Variants in RPA2 observed in about 807,000 individuals in gnomAD.
The protein encoded by RPA2 is replication protein A 32 kDa subunit.
In RPA2, 22 loss-of-function variants were observed where a neutral mutation model predicts 33.4. That is an observed-to-expected ratio of 0.66 (90% CI 0.47 to 0.94). The LOEUF (loss-of-function observed/expected upper bound fraction) is 0.94, where lower values mean the gene tolerates loss of function less well. Among genes scored for constraint, RPA2 ranks in the 40% least tolerant of loss-of-function variants. The pLI, the probability that RPA2 is intolerant of heterozygous loss-of-function variation, is 0.00. For synonymous variants in RPA2, 109 were observed against 114.9 expected (o/e 0.95, Z 0.33); for missense variants, 279 against 329.9 (o/e 0.85, Z 1.19).
At position 27,914,516 on chromosome 1, in the gene RPA2, G is replaced by A. The variant is rs1011790382; in HGVS notation, c.-73C>T. On this transcript the variant is annotated 5_prime_UTR_variant, in exon 1 of 9. Transcript: ENST00000373912. ...GGAATAGCGGAAAACCACAGAACGC[G>A]GCCGCCACTGCGCCGCTCTGGCTAC... 8 of 1,598,750 alleles carry A rather than the reference G, an allele frequency of 5.0e-6. No homozygotes were observed. The Admixed American group carries it at 5.3e-5, about 10-fold the overall frequency.
intron 2 of RPA2, among the ~76,000 whole-genome samples, chr1:27,913,331 G>A (rs1474826964): frequency 2.7e-5 from 4 of 150,192 alleles, no homozygotes; most frequent in Non-Finnish European, 5.9e-5. Flanking sequence ...GCTCACGCCT[G>A]TAATCCCAAC....
At chr1:27,898,584 C>A (rs1571608724) in intron 4 of RPA2, among the ~76,000 whole-genome samples, 1 of 146,716 alleles carries the variant, frequency 6.8e-6, no homozygotes, top group East Asian at 2.0e-4. Flanking sequence ...CTTGCTCTGT[C>A]ACCCAGACTG....
At chr1:27,908,336 C>T (rs2090056547) in intron 2 of RPA2, among the ~76,000 whole-genome samples, 1 of 150,090 alleles carries the variant, frequency 6.7e-6, no homozygotes, top group South Asian at 2.1e-4. Flanking sequence ...TGCTATGTTG[C>T]CCAGGCTGGT....
In RPA2 at chr1:27,892,120, T is replaced by G. The variant is rs1571600612; in HGVS notation, c.*43A>C. The stretch of plus-strand genomic sequence containing the variant: ...AGCTGGAGACAACAGATTGTGAAAC[T>G]AGGTCCAGCTGTAAAATATCTCAGG... On this transcript the variant is annotated 3_prime_UTR_variant, in exon 9 of 9. Transcript: ENST00000373912. 1 of 1,522,920 alleles carries G rather than the reference T, an allele frequency of 6.6e-7. No homozygotes were observed. Among genetic ancestry groups the G allele is most frequent in the African/African-American group, 1.4e-5 (1 of 73,212 alleles). The allele number at this position is 1,522,920 out of a possible 1,614,324, so 94.3% of individuals were successfully genotyped here.
intron 4 of RPA2, among the ~76,000 whole-genome samples, chr1:27,906,083 T>C (rs947360531): frequency 2.6e-5 from 4 of 152,110 alleles, no homozygotes; most frequent in African/African-American, 4.8e-5. Flanking sequence ...AAAATCTTTG[T>C]TCTAGGCCGG....
Position 27,914,121 on chromosome 1 carries a change from T to C in RPA2, c.59A>G (p.Tyr20Cys). 1 of 1,612,304 alleles carries C rather than the reference T, an allele frequency of 6.2e-7. No homozygotes were observed. Among genetic ancestry groups the C allele is most frequent in the Non-Finnish European group, 8.5e-7 (1 of 1,179,496 alleles). ...TCCAAAGCCCCCCGGGGACTGCGTG[T>C]AGCCGCCGGCTCCCCCGTATGAGGA... ...GSSSYGGAGGYTQSPGGFGSP... is the reference protein window; with the variant it reads ...GSSSYGGAGGCTQSPGGFGSP... The change falls in exon 2 of 9, where the codon TAC becomes TGC. Residue 20 changes from tyrosine to cysteine, a missense_variant. Physicochemically the swap from Tyr to Cys is radical, Grantham distance 194 (BLOSUM62 -2). Transcript: ENST00000373912.
At chr1:27,901,313 C>T (rs373795431) in intron 4 of RPA2, among the ~76,000 whole-genome samples, 4 of 152,096 alleles carry the variant, frequency 2.6e-5, no homozygotes, top group African/African-American at 9.7e-5. Flanking sequence ...TTATGAATTG[C>T]TGAGGGTTCG....
intron 2 of RPA2, among the ~76,000 whole-genome samples, chr1:27,907,898 G>C (rs1037772385): frequency 5.9e-5 from 9 of 152,132 alleles, no homozygotes; most frequent in Non-Finnish European, 8.8e-5. Flanking sequence ...GTCCAGGCTG[G>C]CATGCAATGG....
chr1:27,914,010 C>A, intron 2 of RPA2, 53 bp downstream of exon 2: 1 of 1,486,350 alleles, frequency 6.7e-7, no homozygotes, highest in Non-Finnish European at 9.0e-7. Flanking sequence ...TCATAGATGA[C>A]TCAGGGACTT....
At chr1:27,896,106 T>C (rs1017208951) in intron 6 of RPA2, among the ~76,000 whole-genome samples, 2 of 152,222 alleles carry the variant, frequency 1.3e-5, no homozygotes, top group African/African-American at 4.8e-5. Flanking sequence ...CTCCCAAGAA[T>C]GTAAGTATAT....
intron 4 of RPA2, among the ~76,000 whole-genome samples, chr1:27,901,613 G>A (rs1014467262): frequency 1.3e-4 from 20 of 151,752 alleles, no homozygotes; most frequent in Admixed American, 9.8e-4. Flanking sequence ...CTCCCGCCTC[G>A]GCCTCCCAAA....
At chr1:27,902,408 C>A (rs542423054) in intron 4 of RPA2, among the ~76,000 whole-genome samples, 1 of 151,912 alleles carries the variant, frequency 6.6e-6, no homozygotes, top group African/African-American at 2.4e-5. Context: ...CTCAGCCTCC[C>A]GAGTAGCTGG....
Position 27,897,041 on chromosome 1 carries a change from G to A in RPA2, c.489C>T (p.Ile163=), listed in dbSNP as rs2089901699. ...CTTTGCTTAGTACCATGTGTGCATTGATCACTTCCAGAATATGTGTGGTGA... is the reference window on the plus strand; with the variant it reads ...CTTTGCTTAGTACCATGTGTGCATTAATCACTTCCAGAATATGTGTGGTGA... The part of the protein sequence containing the change: ...NEFTTHILEV[I]NAHMVLSKAN... The change falls in exon 6 of 9, where the codon ATC becomes ATT. Residue 163 remains isoleucine, a synonymous_variant. Coordinates refer to ENST00000373912, the MANE Select transcript of RPA2 (RefSeq NM_002946.5). 1 of 1,613,532 alleles carries A rather than the reference G, an allele frequency of 6.2e-7. No homozygotes were observed. The highest frequency in any genetic ancestry group is 8.5e-7 in the Non-Finnish European group (1 of 1,179,934).
intron 4 of RPA2, among the ~76,000 whole-genome samples, chr1:27,901,959 G>A (rs1011103312): frequency 2.0e-5 from 3 of 151,460 alleles, no homozygotes; most frequent in African/African-American, 7.3e-5. Context: ...CACTGTTAGG[G>A]GAAGGGGAAT....
chr1:27,906,627 T>C (rs1271976715), intron 4 of RPA2, among the ~76,000 whole-genome samples: 1 of 152,058 alleles, frequency 6.6e-6, no homozygotes, highest in Non-Finnish European at 1.5e-5. Context: ...ATGCGGACGT[T>C]GTAGTGAGCC....
chr1:27,892,053 T>C lies in RPA2; in HGVS notation c.*110A>G. ...GAAGTCAGAGGAGACATTTGATAGA[T>C]GAAACCTACTTCCTAGAAGCCCCCT... On this transcript the variant is annotated 3_prime_UTR_variant, in exon 9 of 9. Coordinates refer to ENST00000373912, the MANE Select transcript of RPA2 (RefSeq NM_002946.5). 1 of 751,026 alleles carries C rather than the reference T, an allele frequency of 1.3e-6. No homozygotes were observed. The highest frequency in any genetic ancestry group is 1.9e-5 in the South Asian group (1 of 51,856). 46.5% of individuals were successfully genotyped at this position (751,026 alleles called of 1,614,324 possible).
intron 4 of RPA2, among the ~76,000 whole-genome samples, chr1:27,905,772 C>T (rs1386127194): frequency 1.3e-5 from 2 of 151,984 alleles, no homozygotes; most frequent in East Asian, 1.9e-4. Context: ...GGACTACAGG[C>T]GCCTGCCACC....
chr1:27,907,595 C>G (rs2090045225), intron 2 of RPA2, among the ~76,000 whole-genome samples: 1 of 152,212 alleles, frequency 6.6e-6, no homozygotes, highest in African/African-American at 2.4e-5. Flanking sequence ...GCTGCCAGAA[C>G]AGACCTTCAA....
intron 4 of RPA2, among the ~76,000 whole-genome samples, chr1:27,905,111 T>A (rs1401665318): frequency 6.6e-6 from 1 of 152,206 alleles, no homozygotes; most frequent in East Asian, 1.9e-4. Flanking sequence ...CACTTATATA[T>A]ATGCTGCTTT....
Sources: gnomAD v4.1 joint callset for allele counts (sites outside exome capture counted in the v4.1 genomes callset) on GRCh38, gnomAD v4.1.1 for gene constraint, MANE v1.5 for transcripts, NCBI Gene and HGNC (gene_info 2026-07-23, HGNC 2026-07-21) for gene names.